The following FANCA variants were observed in gnomAD, a reference collection of about 807,000 sequenced individuals.
The protein encoded by FANCA is FA complementation group A.
In FANCA, 236 loss-of-function variants were observed where a neutral mutation model predicts 194.3. That is an observed-to-expected ratio of 1.21 (90% CI 1.09 to 1.35). The LOEUF (loss-of-function observed/expected upper bound fraction) is 1.35, where lower values mean the gene tolerates loss of function less well. Among genes scored for constraint, FANCA ranks in the 40% most tolerant of loss-of-function variants. The probability of loss-of-function intolerance (pLI) is 0.00; values close to 1 mark genes in which losing one functional copy is unlikely to be tolerated. For synonymous variants in FANCA, 1,014 were observed against 715.8 expected (o/e 1.42, Z -6.65); for missense variants, 2,628 against 1,813.9 (o/e 1.45, Z -8.15).
intron 3 of FANCA, among the ~76,000 whole-genome samples, chr16:89,814,109 C>T (rs1209025165): frequency 6.6e-6 from 1 of 152,190 alleles, no homozygotes; most frequent in Non-Finnish European, 1.5e-5. Context: ...AAATAACTTA[C>T]TGTTGTTGAC....
intron 6 of FANCA, among the ~76,000 whole-genome samples, chr16:89,807,364 G>A (rs998400460): frequency 1.5e-4 from 23 of 151,864 alleles, no homozygotes; most frequent in African/African-American, 5.6e-4. Flanking sequence ...GGCAGGGGCA[G>A]AATTGCTTGA....
At chr16:89,801,104 G>C (rs2040434681) in intron 8 of FANCA, among the ~76,000 whole-genome samples, 1 of 150,882 alleles carries the variant, frequency 6.6e-6, no homozygotes, top group African/African-American at 2.4e-5. Context: ...CCAACACTTT[G>C]AGAGGCCAAG....
chr16:89,816,414 C>T (rs1220012166), intron 1 of FANCA, 123 bp downstream of exon 1: 3 of 862,526 alleles, frequency 3.5e-6, no homozygotes, highest in South Asian at 5.1e-5. Flanking sequence ...CCCCGCACAG[C>T]CCCCCGGGCG....
chr16:89,787,615 G>A (rs902768792), intron 14 of FANCA, among the ~76,000 whole-genome samples: 20 of 151,802 alleles, frequency 1.3e-4, no homozygotes, highest in Admixed American at 7.2e-4. Flanking sequence ...ATACACCTGC[G>A]GACTCAGCTG....
chr16:89,805,934 AAC>A (rs1355301881), intron 6 of FANCA, among the ~76,000 whole-genome samples: 1 of 151,608 alleles, frequency 6.6e-6, no homozygotes, highest in African/African-American at 2.4e-5. Flanking sequence ...TTTCTCTTGA[AAC>A]AGTTTTGCTC....
chr16:89,749,586 C>T, intron 32 of FANCA, 144 bp downstream of exon 32: 1 of 1,063,334 alleles, frequency 9.4e-7, no homozygotes, highest in Non-Finnish European at 1.4e-6. Context: ...TGGCATGTGC[C>T]ACAGAAATGG....
chr16:89,756,585 A>G (rs2038774289), intron 30 of FANCA, among the ~76,000 whole-genome samples: 1 of 151,796 alleles, frequency 6.6e-6, no homozygotes, highest in Admixed American at 6.6e-5. Flanking sequence ...CAGTCACTGT[A>G]CCCCAGCCTG....
rs2062169927 is a variant in FANCA, at chr16:89,742,829, G to A, written c.3736C>T (p.Leu1246=). The change falls in exon 37 of 43, where the codon CTA becomes TTA. Residue 1246 remains leucine, a synonymous_variant. Transcript: ENST00000389301. ...TCTCTCTCGCAGTCCAGCTTCTTTAGCTGCTTCCTGATGTTTTCTTCCCTG... is the reference window on the plus strand; with the variant it reads ...TCTCTCTCGCAGTCCAGCTTCTTTAACTGCTTCCTGATGTTTTCTTCCCTG... The part of the protein sequence containing the change: ...QVREENIRKQ[L]KKLDCEREEL... The A allele has an allele frequency of 1.2e-6, 2 of 1,614,032 alleles. No homozygotes were observed. The highest frequency in any genetic ancestry group is 2.7e-5 in the African/African-American group (2 of 74,916).
At chr16:89,809,982 C>T (rs1705215744) in intron 5 of FANCA, among the ~76,000 whole-genome samples, 2 of 151,872 alleles carry the variant, frequency 1.3e-5, no homozygotes, top group African/African-American at 4.8e-5. Flanking sequence ...GCCAAGATTG[C>T]GCCACTGCAC....
At chr16:89,743,119 C>T (rs941425287) in intron 36 of FANCA, among the ~76,000 whole-genome samples, 181 bp from the exon 37 acceptor site, 5 of 152,192 alleles carry the variant, frequency 3.3e-5, no homozygotes, top group African/African-American at 1.2e-4. Context: ...AGAGTGTGGG[C>T]AGGTGCTGGT....
intron 3 of FANCA, 51 bp from the exon 4 acceptor site, chr16:89,811,122 C>G (rs1191599231): frequency 6.2e-7 from 1 of 1,612,316 alleles, no homozygotes; most frequent in Non-Finnish European, 8.5e-7. Flanking sequence ...GAGACAAAAT[C>G]TAAAACCAAA....
At chr16:89,756,762 AAGGCTGAAGAG>A (rs112859103) in intron 30 of FANCA, among the ~76,000 whole-genome samples, 4,758 of 152,280 alleles carry the variant, frequency 0.031, 267 homozygotes, top group African/African-American at 0.11. Context: ...GGGAAGCTGG[AAGGCTGAAGAG>A]AGGCTGAATA....
At chr16:89,739,660 G>T in intron 39 of FANCA, 107 bp from the exon 40 acceptor site, 1 of 1,506,950 alleles carries the variant, frequency 6.6e-7, no homozygotes, top group Non-Finnish European at 9.0e-7. Context: ...GCCTGGCTGT[G>T]GGGATAGTGT....
At chr16:89,782,721 C>T in intron 17 of FANCA, 138 bp downstream of exon 17, 4 of 740,750 alleles carry the variant, frequency 5.4e-6, no homozygotes, top group Admixed American at 4.1e-5. Context: ...CGCAGAGCCT[C>T]GCCCCCAGCT....
At chr16:89,770,697 G>A (rs1302945758) in intron 23 of FANCA, 63 bp from the exon 24 acceptor site, 20 of 1,403,770 alleles carry the variant, frequency 1.4e-5, no homozygotes, top group African/African-American at 7.1e-5. Context: ...GAAGGAAGCC[G>A]GCCAGCGCTC....
Position 89,771,703 on chromosome 16 carries a change from G to C in FANCA, c.2126C>G (p.Pro709Arg), listed in dbSNP as rs148203537. ...ISKIQLSINT[P>R]RLEPREHMAV... ...CATGTGTTCCCGTGGCTCCAGTCTC[G>C]GCGTGTTGATGCTGAGCTGAATCTT... Residue 709 changes from proline (P) to arginine (R), a missense_variant, in exon 23 of 43, where the codon CCG becomes CGG. Physicochemically the swap from Pro to Arg is moderately radical, Grantham distance 103. Transcript: ENST00000389301. 6.2e-7 allele frequency: 1 copy of C among 1,614,130 alleles called. No homozygotes were observed. The highest frequency in any genetic ancestry group is 1.7e-4 in the Middle Eastern group (1 of 6,060).
chr16:89,789,101 A>G (rs144956395), intron 14 of FANCA, among the ~76,000 whole-genome samples: 4 of 152,100 alleles, frequency 2.6e-5, no homozygotes, highest in Non-Finnish European at 5.9e-5. Context: ...GCGCCTCACT[A>G]AAAGGACAGA....
At chr16:89,764,844 T>G in intron 28 of FANCA, 46 bp downstream of exon 28, 1 of 1,604,304 alleles carries the variant, frequency 6.2e-7, no homozygotes, top group African/African-American at 1.3e-5. Context: ...ACACAAACCC[T>G]AGACTCAGGA....
rs570351733 is a variant in FANCA, at chr16:89,785,724, C to T, written c.1360-760G>A. Among the ~76,000 whole-genome samples the T allele has an allele frequency of 2.2e-4, 33 of 152,274 alleles. 1 individual carries two copies. The highest frequency in any genetic ancestry group is 1.6e-3 in the Admixed American group (25 of 15,282). Reference sequence around the variant, plus strand: ...CCTGCAAAACCAGACGAGCTCCTGCCACCCTAGCCCCACTTGAGACCACAG... The same window carrying T: ...CCTGCAAAACCAGACGAGCTCCTGCTACCCTAGCCCCACTTGAGACCACAG... On this transcript the variant is annotated intron_variant, in intron 14 of 42. Coordinates refer to ENST00000389301, the MANE Select transcript of FANCA (RefSeq NM_000135.4).
Sources: gnomAD v4.1 joint callset for allele counts (sites outside exome capture counted in the v4.1 genomes callset) on GRCh38, gnomAD v4.1.1 for gene constraint, MANE v1.5 for transcripts, NCBI Gene and HGNC (gene_info 2026-07-23, HGNC 2026-07-21) for gene names.